The following TNFRSF19 variants were observed in gnomAD, a reference collection of about 807,000 sequenced individuals.
TNFRSF19 encodes tumor necrosis factor receptor superfamily member 19.
Under a neutral mutation model 46.4 loss-of-function variants are expected in TNFRSF19, and 27 were observed. That is an observed-to-expected ratio of 0.58 (90% CI 0.43 to 0.80). TNFRSF19 has a LOEUF of 0.80. TNFRSF19 is among the 30% of genes least tolerant of loss of function. The pLI is 0.00. For synonymous variants in TNFRSF19, 204 were observed against 205.0 expected (o/e 1.00, Z 0.04); for missense variants, 511 against 530.8 (o/e 0.96, Z 0.37).
chr13:23,591,712 TTTTCTTTC>T (rs199602587), intron 2 of TNFRSF19, among the ~76,000 whole-genome samples: 40,250 of 138,216 alleles, frequency 0.29, 5,277 homozygotes, highest in South Asian at 0.34. Context: ...GCCTTAAAAA[TTTTCTTTC>T]TTTCTTTCTT....
At chr13:23,582,219 A>C (rs1402715471) in intron 1 of TNFRSF19, among the ~76,000 whole-genome samples, 8 of 91,642 alleles carry the variant, frequency 8.7e-5, no homozygotes, top group Non-Finnish European at 8.5e-5. Flanking sequence ...TCCCTACTAC[A>C]AATACAAAAA....
intron 1 of TNFRSF19, among the ~76,000 whole-genome samples, chr13:23,584,306 A>G (rs1878671372): frequency 6.6e-6 from 1 of 152,032 alleles, no homozygotes; most frequent in African/African-American, 2.4e-5. Flanking sequence ...GCTCCCAGTT[A>G]TGAGTAAGAA....
chr13:23,595,104 G>A (rs2138193660), intron 3 of TNFRSF19, among the ~76,000 whole-genome samples: 1 of 152,258 alleles, frequency 6.6e-6, no homozygotes, highest in African/African-American at 2.4e-5. Flanking sequence ...CCATCCAAAG[G>A]TCACCAGCAT....
At chr13:23,579,939 G>A (rs1314181761) in intron 1 of TNFRSF19, among the ~76,000 whole-genome samples, 1 of 152,254 alleles carries the variant, frequency 6.6e-6, no homozygotes, top group African/African-American at 2.4e-5. Flanking sequence ...GCGCGCGGCT[G>A]CAGGGGTCTC....
Position 23,649,486 on chromosome 13 carries a change from C to T in TNFRSF19, c.446-9564C>T, listed in dbSNP as rs181168477. On this transcript the variant is annotated intron_variant, in intron 5 of 9. Coordinates refer to ENST00000248484, the MANE Select transcript of TNFRSF19 (RefSeq NM_148957.4). ...TTAGTCTAAAGTTTTGTAGATTTTA[C>T]TGATCTTTTCAAAAAGTCAACTTTT... Among the ~76,000 whole-genome samples, 134 of 151,854 alleles carry T rather than the reference C, an allele frequency of 8.8e-4. 1 individual carries two copies. The highest frequency in any genetic ancestry group is 9.9e-4 in the Non-Finnish European group (67 of 67,894).
At chr13:23,657,652 T>TA (rs1734446955) in intron 5 of TNFRSF19, among the ~76,000 whole-genome samples, 1 of 152,218 alleles carries the variant, frequency 6.6e-6, no homozygotes, top group African/African-American at 2.4e-5. Context: ...ATTGGCTAAG[T>TA]AAAATAGACT....
At chr13:23,669,327 T>C in intron 9 of TNFRSF19, 1 of 1,358,278 alleles carries the variant, frequency 7.4e-7, no homozygotes, top group Non-Finnish European at 9.4e-7. Flanking sequence ...TTATTCCTCT[T>C]TGTAAGTACA....
chr13:23,620,628 CT>C (rs1358780481), intron 4 of TNFRSF19, among the ~76,000 whole-genome samples: 1 of 152,222 alleles, frequency 6.6e-6, no homozygotes, highest in Non-Finnish European at 1.5e-5. Context: ...TGTAAAGTGC[CT>C]AGCAGAGTGC....
intron 1 of TNFRSF19, among the ~76,000 whole-genome samples, chr13:23,583,719 A>G (rs751200744): frequency 7.9e-5 from 12 of 152,222 alleles, no homozygotes; most frequent in Non-Finnish European, 1.3e-4. Flanking sequence ...CAAATGGTGT[A>G]AAGAGTGGTT....
At chr13:23,649,196 C>G (rs1002785267) in intron 5 of TNFRSF19, among the ~76,000 whole-genome samples, 1 of 152,122 alleles carries the variant, frequency 6.6e-6, no homozygotes, top group Non-Finnish European at 1.5e-5. Flanking sequence ...GTAAAGCTGT[C>G]AGGTTGTGGG....
At chr13:23,654,875 G>A (rs3794346) in intron 5 of TNFRSF19, among the ~76,000 whole-genome samples, 34,977 of 152,218 alleles carry the variant, frequency 0.23, 4,806 homozygotes, top group Non-Finnish European at 0.31. Context: ...CACTGAAGGT[G>A]TGTTAGAAGC....
chr13:23,591,476 T>TA (rs75040144), intron 2 of TNFRSF19, among the ~76,000 whole-genome samples: 38,973 of 150,970 alleles, frequency 0.26, 5,534 homozygotes, highest in African/African-American at 0.38. Context: ...TAGATACAAA[T>TA]AAAAAAAATA....
chr13:23,610,619 T>A (rs1044954893), intron 3 of TNFRSF19, among the ~76,000 whole-genome samples: 1 of 152,188 alleles, frequency 6.6e-6, no homozygotes, highest in Non-Finnish European at 1.5e-5. Context: ...AGGATTTTTT[T>A]AAAGTATTTA....
At chr13:23,624,222 T>C (rs542282955) in intron 4 of TNFRSF19, among the ~76,000 whole-genome samples, 2 of 152,216 alleles carry the variant, frequency 1.3e-5, no homozygotes, top group Non-Finnish European at 2.9e-5. Flanking sequence ...GGATCTCTTG[T>C]CTATTCCACT....
chr13:23,621,872 C>A lies in TNFRSF19; in HGVS notation c.360-4835C>A, dbSNP rs989266281. Among the ~76,000 whole-genome samples the A allele has an allele frequency of 8.6e-5, 13 of 152,044 alleles. No homozygotes were observed. The East Asian group carries it at 2.5e-3, about 30-fold the overall frequency. ...GGCTAAGATGGGAGGATGGCTTGAG[C>A]CCAGGAGGCAGAGGCTGAGGCAGAG... On this transcript the variant is annotated intron_variant, in intron 4 of 9. Coordinates refer to ENST00000248484, the MANE Select transcript of TNFRSF19 (RefSeq NM_148957.4).
At chr13:23,579,192 G>A (rs1204535372) in intron 1 of TNFRSF19, among the ~76,000 whole-genome samples, 1 of 152,220 alleles carries the variant, frequency 6.6e-6, no homozygotes, top group Non-Finnish European at 1.5e-5. Context: ...GCGGAGTGGG[G>A]GCCTCCAAAG....
At chr13:23,653,083 G>C (rs982904566) in intron 5 of TNFRSF19, among the ~76,000 whole-genome samples, 1 of 152,200 alleles carries the variant, frequency 6.6e-6, no homozygotes. Flanking sequence ...TCAGAGCCCA[G>C]CTTCCTGCCC....
rs1323683908 is a variant in TNFRSF19 at position 23,610,517 on chromosome 13, C to A, written c.181-5350C>A. Among the ~76,000 whole-genome samples, 3 of 141,028 alleles carry A rather than the reference C, an allele frequency of 2.1e-5. No homozygotes were observed. In the East Asian group the frequency reaches 6.0e-4, roughly 28 times the overall value. 92.5% of individuals were successfully genotyped at this position (141,028 alleles called of 152,430 possible). On this transcript the variant is annotated intron_variant, in intron 3 of 9. Transcript: ENST00000248484. ...CTCCACCCAGACATCCCCAGCCCAG[C>A]CCACCCTGCCTGCCATCCTGCAGCC...
intron 5 of TNFRSF19, among the ~76,000 whole-genome samples, chr13:23,654,944 C>T (rs1883884250): frequency 6.6e-6 from 1 of 152,196 alleles, no homozygotes. Flanking sequence ...CAAATAGGTT[C>T]CTCATTTGCA....
Sources: gnomAD v4.1 joint callset for allele counts (sites outside exome capture counted in the v4.1 genomes callset) on GRCh38, gnomAD v4.1.1 for gene constraint, MANE v1.5 for transcripts, NCBI Gene and HGNC (gene_info 2026-07-23, HGNC 2026-07-21) for gene names.